ATP2B2: variants seen among roughly 807,000 people sequenced by gnomAD.
The protein encoded by ATP2B2 is plasma membrane calcium-transporting ATPase 2.
A neutral mutation model predicts 120.0 loss-of-function variants in ATP2B2; 15 were observed. The ratio of observed to expected loss-of-function variants is 0.12; its 90% CI spans 0.08 to 0.19. ATP2B2 has a LOEUF of 0.19. ATP2B2 is among the 10% of genes least tolerant of loss of function. The pLI is 1.00. For missense variants in ATP2B2, 1,045 were observed against 1,719.8 expected (o/e 0.61, Z 6.94); for synonymous variants, 694 against 700.3 (o/e 0.99, Z 0.14).
At chr3:10,506,986 T>C (rs114775830), upstream of ATP2B2, among the ~76,000 whole-genome samples, 3,084 of 152,262 alleles carry the variant, frequency 0.02, 44 homozygotes, top group Admixed American at 0.035. Context: ...GCGCCTGAGG[T>C]GGGTCTCCCA....
chr3:10,535,095 G>A (rs919873295), intron 2 of ATP2B2, among the ~76,000 whole-genome samples: 4 of 151,800 alleles, frequency 2.6e-5, no homozygotes, highest in Admixed American at 1.3e-4. Flanking sequence ...AGTAGAGATG[G>A]GGTTTCACCG....
intron 1 of ATP2B2, among the ~76,000 whole-genome samples, chr3:10,634,771 C>A (rs1312933278): frequency 2.0e-5 from 3 of 152,184 alleles, no homozygotes; most frequent in Non-Finnish European, 4.4e-5. Context: ...CCAGGAAGGA[C>A]CTTTACTCCC....
chr3:10,492,842 C>T (rs766878231), intron 1 of ATP2B2, among the ~76,000 whole-genome samples: 15 of 152,132 alleles, frequency 9.9e-5, no homozygotes, highest in East Asian at 3.9e-4. Context: ...TTCACAGCTG[C>T]GCAAAAGAGA....
intron 11 of ATP2B2, among the ~76,000 whole-genome samples, chr3:10,373,841 TGG>T (rs1479175893): frequency 6.6e-6 from 1 of 152,186 alleles, no homozygotes; most frequent in African/African-American, 2.4e-5. Flanking sequence ...CTGAAAGTGC[TGG>T]GGATTACAGG....
At chr3:10,484,506 A>T (rs553252225) in intron 1 of ATP2B2, among the ~76,000 whole-genome samples, 8 of 151,736 alleles carry the variant, frequency 5.3e-5, no homozygotes, top group Non-Finnish European at 1.2e-4. Flanking sequence ...GCTCTCCATG[A>T]CCCACCTGCT....
chr3:10,611,763 T>C (rs2069245312), intron 2 of ATP2B2, among the ~76,000 whole-genome samples: 1 of 152,206 alleles, frequency 6.6e-6, no homozygotes, highest in Admixed American at 6.5e-5. Context: ...CTTCTAACTC[T>C]GGCAATTCCT....
intron 2 of ATP2B2, among the ~76,000 whole-genome samples, chr3:10,418,722 G>A (rs529590600): frequency 4.5e-4 from 69 of 152,320 alleles, no homozygotes; most frequent in African/African-American, 1.6e-3. Context: ...CTGGCTGAGC[G>A]GACCTGCCTG....
At chr3:10,394,462 G>T (rs1270390249) in intron 5 of ATP2B2, 1 of 471,232 alleles carries the variant, frequency 2.1e-6, no homozygotes, top group Non-Finnish European at 4.4e-6. Flanking sequence ...GGGTCACACA[G>T]CTGTGAGTGG....
chr3:10,368,107 T>A (rs1203223303), intron 12 of ATP2B2, among the ~76,000 whole-genome samples: 1 of 152,030 alleles, frequency 6.6e-6, no homozygotes, highest in African/African-American at 2.4e-5. Flanking sequence ...TTTCTCAGAG[T>A]AAACTGAGGG....
chr3:10,602,259 T>C (rs1266184111), intron 2 of ATP2B2, among the ~76,000 whole-genome samples: 2 of 152,220 alleles, frequency 1.3e-5, no homozygotes, highest in Non-Finnish European at 2.9e-5. Context: ...CTTCACCCCC[T>C]TTTTTCTCCT....
chr3:10,345,656 A>C, intron 17 of ATP2B2, 81 bp from the exon 18 acceptor site: 1 of 1,359,232 alleles, frequency 7.4e-7, no homozygotes, highest in Non-Finnish European at 1.0e-6. Flanking sequence ...CACTCCCTCC[A>C]CTTCCTCAGT....
At chr3:10,487,923 C>T (rs930427423) in intron 1 of ATP2B2, among the ~76,000 whole-genome samples, 3 of 152,190 alleles carry the variant, frequency 2.0e-5, no homozygotes, top group Non-Finnish European at 4.4e-5. Flanking sequence ...CTCTGCCTCA[C>T]TATCTTTTTG....
chr3:10,386,650 T>C (rs1248226599), intron 6 of ATP2B2, 138 bp from the exon 7 acceptor site: 8 of 983,178 alleles, frequency 8.1e-6, no homozygotes, highest in South Asian at 8.0e-5. Context: ...AATGGGGACA[T>C]GTGGCGGGCT....
At chr3:10,562,956 T>C (rs983016479) in intron 2 of ATP2B2, among the ~76,000 whole-genome samples, 3 of 152,260 alleles carry the variant, frequency 2.0e-5, no homozygotes. Flanking sequence ...ATTTAAAGCA[T>C]ACATGCTTTG....
chr3:10,483,884 G>A (rs1471905933), intron 1 of ATP2B2, among the ~76,000 whole-genome samples: 4 of 152,190 alleles, frequency 2.6e-5, no homozygotes, highest in Non-Finnish European at 5.9e-5. Context: ...GTCAGCCCCC[G>A]GCACAGGGCC....
upstream of ATP2B2, among the ~76,000 whole-genome samples, chr3:10,510,413 G>C (rs1050921369): frequency 2.6e-5 from 4 of 152,268 alleles, no homozygotes; most frequent in Admixed American, 6.5e-5. Context: ...ATTGGAGCTT[G>C]AAATAGGAAC....
intron 2 of ATP2B2, among the ~76,000 whole-genome samples, chr3:10,552,459 G>C (rs1429206597): frequency 6.6e-6 from 1 of 152,240 alleles, no homozygotes; most frequent in Non-Finnish European, 1.5e-5. Context: ...CATCTTGTGG[G>C]TGCTGCCCTC....
intron 1 of ATP2B2, among the ~76,000 whole-genome samples, chr3:10,473,497 C>T (rs537913444): frequency 2.0e-5 from 3 of 152,268 alleles, no homozygotes; most frequent in East Asian, 1.9e-4. Flanking sequence ...CTGTGTGCGG[C>T]GGTGTACACC....
Position 10,402,080 on chromosome 3 carries a change from G to A in ATP2B2, c.655+11C>T, listed in dbSNP as rs975901700. ...AGCTTTAGAACCTGGCTCTGTGGCT[G>A]GGACACTTACCATATTTGACCTGGG... is the stretch of plus-strand genomic sequence containing the variant. On this transcript the variant is annotated intron_variant, in intron 4 of 22. Coordinates refer to ENST00000360273, the MANE Select transcript of ATP2B2 (RefSeq NM_001001331.4). The surrounding 1 kb of genome is among the most constrained non-coding windows in gnomAD (Gnocchi z 4.9). 6.2e-7 allele frequency: 1 copy of A among 1,613,074 alleles called. No individual in the cohort carries two copies. The highest frequency in any genetic ancestry group is 1.1e-5 in the South Asian group (1 of 91,076).
Sources: allele counts gnomAD v4.1 joint callset (sites outside exome capture counted in the v4.1 genomes callset), GRCh38; gene constraint gnomAD v4.1.1; non-coding constraint Gnocchi (gnomAD v3.1); transcripts MANE v1.5; gene names NCBI Gene and HGNC (gene_info 2026-07-23, HGNC 2026-07-21).